Variants in ANKS1B observed in about 807,000 individuals in gnomAD.
The protein encoded by ANKS1B is ankyrin repeat and sterile alpha motif domain containing 1B, also known as ankyrin repeat and sterile alpha motif domain-containing protein 1B.
In ANKS1B, 36 loss-of-function variants were observed where a neutral mutation model predicts 148.3. That is an observed-to-expected ratio of 0.24 (90% CI 0.19 to 0.32). The LOEUF (loss-of-function observed/expected upper bound fraction) is 0.32. Among genes scored for constraint, ANKS1B ranks in the 10% least tolerant of loss-of-function variants. The probability of loss-of-function intolerance (pLI) is 1.00; values close to 1 mark genes in which losing one functional copy is unlikely to be tolerated. For synonymous variants in ANKS1B, 542 were observed against 560.8 expected (o/e 0.97, Z 0.47); for missense variants, 1,157 against 1,542.6 (o/e 0.75, Z 4.19).
At chr12:99,244,249 T>C (rs367950233) in intron 14 of ANKS1B, 93 bp downstream of exon 14, 10 of 821,112 alleles carry the variant, frequency 1.2e-5, no homozygotes, top group African/African-American at 3.5e-5. Flanking sequence ...ATTGTTATAA[T>C]GAAAAAAATG....
chr12:99,159,485 T>G (rs1601253736), intron 14 of ANKS1B, among the ~76,000 whole-genome samples: 1 of 152,324 alleles, frequency 6.6e-6, no homozygotes, highest in East Asian at 1.9e-4. Context: ...AGTACTTGGT[T>G]TTCTGTTCCT....
At chr12:99,700,691 G>A (rs1242957432) in intron 8 of ANKS1B, among the ~76,000 whole-genome samples, 3 of 152,032 alleles carry the variant, frequency 2.0e-5, no homozygotes, top group Non-Finnish European at 4.4e-5. Context: ...TTTTGTAGTG[G>A]TACCACAGGT....
In ANKS1B at chr12:99,421,065, GATTA is replaced by G. The variant is rs1476439080; in HGVS notation, c.1576-21258_1576-21255del. On this transcript the variant is annotated intron_variant, in intron 11 of 26. Transcript: ENST00000683438. ...AGCCTCCCCACAGAATTATTGTCTG[GATTA>G]ATTGAGATAATGTAAATGAAAGACT... 2.6e-5 allele frequency among the ~76,000 whole-genome samples: 4 copies of G among 152,242 alleles called. No homozygotes were observed. In the East Asian group the frequency reaches 5.8e-4, roughly 22 times the overall value.
intron 17 of ANKS1B, among the ~76,000 whole-genome samples, chr12:98,902,641 G>A (rs1197595877): frequency 1.3e-5 from 2 of 152,174 alleles, no homozygotes; most frequent in African/African-American, 4.8e-5. Context: ...TTTACTGGTT[G>A]TAGACCCTGA....
At position 99,405,623 on chromosome 12, in the gene ANKS1B, G is replaced by A. The variant is rs1203953738; in HGVS notation, c.1576-5812C>T. ...AAAAGGAAGAGAGGGAGGAAGGAGA[G>A]AAGGAGGAGATCACACAAAAAACTA... On this transcript the variant is annotated intron_variant, in intron 11 of 26. Transcript: ENST00000683438. Among the ~76,000 whole-genome samples, 4 of 144,910 alleles carry A rather than the reference G, an allele frequency of 2.8e-5. 1 individual carries two copies. The highest frequency in any genetic ancestry group is 1.0e-4 in the African/African-American group (4 of 38,204).
intron 17 of ANKS1B, among the ~76,000 whole-genome samples, chr12:98,873,653 G>A (rs2099678757): frequency 1.3e-5 from 2 of 152,080 alleles, no homozygotes; most frequent in African/African-American, 4.8e-5. Flanking sequence ...GGAATCAAAG[G>A]GGCAACTGCT....
intron 2 of ANKS1B, among the ~76,000 whole-genome samples, chr12:99,820,885 C>T (rs1384753591): frequency 6.6e-6 from 1 of 151,826 alleles, no homozygotes; most frequent in Admixed American, 6.6e-5. Context: ...AGACACAACC[C>T]CACTTTAATA....
chr12:99,699,148 T>C (rs1194098189), intron 8 of ANKS1B, among the ~76,000 whole-genome samples: 2 of 152,194 alleles, frequency 1.3e-5, no homozygotes, highest in Non-Finnish European at 2.9e-5. Context: ...GAACATTTCA[T>C]TGCCCCCCTG....
chr12:98,944,132 T>C (rs1329543610), intron 17 of ANKS1B, among the ~76,000 whole-genome samples: 1 of 151,972 alleles, frequency 6.6e-6, no homozygotes, highest in Non-Finnish European at 1.5e-5. Context: ...AAACTCCATC[T>C]CTACTACAAA....
chr12:99,003,102 A>C (rs1037512606), intron 17 of ANKS1B, among the ~76,000 whole-genome samples: 1 of 152,108 alleles, frequency 6.6e-6, no homozygotes, highest in African/African-American at 2.4e-5. Context: ...TCTTTTGCCC[A>C]TTGTATATTC....
chr12:99,254,195 G>T (rs181763563), intron 12 of ANKS1B, among the ~76,000 whole-genome samples: 137 of 152,310 alleles, frequency 9.0e-4, no homozygotes, highest in Non-Finnish European at 1.4e-3. Flanking sequence ...TTAACTTTCT[G>T]ATTTGGTTGC....
At chr12:98,964,567 C>G (rs1474912777) in intron 17 of ANKS1B, among the ~76,000 whole-genome samples, 3 of 152,148 alleles carry the variant, frequency 2.0e-5, no homozygotes, top group Non-Finnish European at 4.4e-5. Flanking sequence ...TGTTCATCAA[C>G]AGATGAATGG....
rs1425939043 is a variant in ANKS1B at position 98,848,746 on chromosome 12, T to TTTTTTTTTTTTTTTG, written c.2779-16611_2779-16610insCAAAAAAAAAAAAAA. Among the ~76,000 whole-genome samples, 20 of 104,238 alleles carry TTTTTTTTTTTTTTTG rather than the reference T, an allele frequency of 1.9e-4. 5 individuals carry two copies. Among genetic ancestry groups the TTTTTTTTTTTTTTTG allele is most frequent in the African/African-American group, 7.8e-4 (20 of 25,564 alleles). 68.4% of individuals were successfully genotyped at this position (104,238 alleles called of 152,430 possible). A position where few individuals can be genotyped will look rare whatever the true frequency, so the allele number is the denominator to read the frequency against. The stretch of plus-strand genomic sequence containing the variant: ...GATTAATTTCTGTGTATGTGTGGTT[T>TTTTTTTTTTTTTTTG]TTTTTTTTTTGAGACGGAGTCTCGC... On this transcript the variant is annotated intron_variant, in intron 17 of 26. Transcript: ENST00000683438.
At chr12:99,617,807 T>A (rs370734786) in intron 9 of ANKS1B, among the ~76,000 whole-genome samples, 2,302 of 147,828 alleles carry the variant, frequency 0.016, 58 homozygotes, top group African/African-American at 0.054. Flanking sequence ...AAGTAAGATT[T>A]AAAAAAAAAA....
At chr12:99,880,162 T>G (rs1270869496) in intron 1 of ANKS1B, among the ~76,000 whole-genome samples, 3 of 152,206 alleles carry the variant, frequency 2.0e-5, no homozygotes, top group African/African-American at 7.2e-5. Context: ...AAACTACTAT[T>G]ATTAACTCCA....
intron 17 of ANKS1B, among the ~76,000 whole-genome samples, chr12:98,925,661 C>G (rs953634439): frequency 2.0e-5 from 3 of 152,138 alleles, no homozygotes; most frequent in African/African-American, 7.2e-5. Flanking sequence ...TCACAGTATC[C>G]TTGAAAATCA....
chr12:99,118,371 A>G (rs1044903744), intron 15 of ANKS1B, among the ~76,000 whole-genome samples: 1 of 152,222 alleles, frequency 6.6e-6, no homozygotes, highest in Non-Finnish European at 1.5e-5. Context: ...TCTTCTGTAC[A>G]TTGGCATATC....
At chr12:99,888,554 ACACTTTTAAGTG>A (rs1156870227) in intron 1 of ANKS1B, among the ~76,000 whole-genome samples, 1 of 152,218 alleles carries the variant, frequency 6.6e-6, no homozygotes, top group African/African-American at 2.4e-5. Flanking sequence ...TACCAGAAAT[ACACTTTTAAGTG>A]CCTTACCTGC....
chr12:99,761,065 CAAAAAAA>C (rs60542272), intron 8 of ANKS1B, among the ~76,000 whole-genome samples: 1,821 of 98,720 alleles, frequency 0.018, 47 homozygotes, highest in African/African-American at 0.068. Context: ...GCCTAACAAC[CAAAAAAA>C]AAAAAAAAAA....
Sources: allele counts gnomAD v4.1 joint callset (sites outside exome capture counted in the v4.1 genomes callset), GRCh38; gene constraint gnomAD v4.1.1; transcripts MANE v1.5; gene names NCBI Gene and HGNC (gene_info 2026-07-23, HGNC 2026-07-21).